ERBB4: variants seen among roughly 807,000 people sequenced by gnomAD.
The protein encoded by ERBB4 is receptor tyrosine-protein kinase erbB-4.
Under a neutral mutation model 158.0 loss-of-function variants are expected in ERBB4, and 42 were observed. The ratio of observed to expected loss-of-function variants is 0.27; its 90% CI spans 0.21 to 0.34. ERBB4 has a LOEUF of 0.34. ERBB4 is among the 10% of genes least tolerant of loss of function. The probability of loss-of-function intolerance (pLI) is 1.00; values close to 1 mark genes in which losing one functional copy is unlikely to be tolerated. For missense variants in ERBB4, 1,333 were observed against 1,624.1 expected (o/e 0.82, Z 3.08); for synonymous variants, 583 against 558.7 (o/e 1.04, Z -0.61).
chr2:211,916,210 C>T (rs148238483), intron 3 of ERBB4, among the ~76,000 whole-genome samples: 1,623 of 151,982 alleles, frequency 0.011, 15 homozygotes, highest in Middle Eastern at 0.045. Flanking sequence ...GACAGAGTCT[C>T]GCTCTGTCAC....
At chr2:212,353,135 G>A (rs2089323796) in intron 1 of ERBB4, among the ~76,000 whole-genome samples, 1 of 151,848 alleles carries the variant, frequency 6.6e-6, no homozygotes, top group African/African-American at 2.4e-5. Context: ...AGTTCTAGGG[G>A]ATAATTGTTT....
intron 2 of ERBB4, among the ~76,000 whole-genome samples, chr2:212,045,177 A>T (rs1282184069): frequency 6.6e-6 from 1 of 152,166 alleles, no homozygotes; most frequent in African/African-American, 2.4e-5. Flanking sequence ...GAATAAAACT[A>T]GGCTGGGTGC....
intron 20 of ERBB4, among the ~76,000 whole-genome samples, chr2:211,552,172 A>G (rs888495006): frequency 6.6e-6 from 1 of 152,160 alleles, no homozygotes; most frequent in Non-Finnish European, 1.5e-5. Context: ...TAGAAATATG[A>G]CATGGATATT....
chr2:212,136,551 A>C (rs1481008960), intron 1 of ERBB4, among the ~76,000 whole-genome samples: 4 of 152,182 alleles, frequency 2.6e-5, no homozygotes, highest in African/African-American at 9.7e-5. Context: ...CACTCTTTTA[A>C]GTGAAACAAA....
At chr2:211,910,561 T>C (rs2079516996) in intron 3 of ERBB4, among the ~76,000 whole-genome samples, 1 of 151,480 alleles carries the variant, frequency 6.6e-6, no homozygotes, top group Non-Finnish European at 1.5e-5. Flanking sequence ...ATAATACACA[T>C]TGGGGTCTTT....
At chr2:211,571,349 A>T (rs2067724251) in intron 19 of ERBB4, among the ~76,000 whole-genome samples, 1 of 152,136 alleles carries the variant, frequency 6.6e-6, no homozygotes, top group Non-Finnish European at 1.5e-5. Context: ...AAACATATGG[A>T]ATTGATTGCA....
intron 2 of ERBB4, among the ~76,000 whole-genome samples, chr2:212,081,810 T>C (rs2078452415): frequency 6.6e-6 from 1 of 152,096 alleles, no homozygotes; most frequent in South Asian, 2.1e-4. Context: ...AATATGTAGG[T>C]ACTTAAAGGG....
intron 3 of ERBB4, among the ~76,000 whole-genome samples, chr2:211,931,829 T>G (rs1307150865): frequency 1.3e-5 from 2 of 152,104 alleles, no homozygotes; most frequent in South Asian, 4.1e-4. Flanking sequence ...AACCAATAAA[T>G]TAATATTCTT....
chr2:212,333,294 T>C (rs1202191749), intron 1 of ERBB4, among the ~76,000 whole-genome samples: 2 of 151,994 alleles, frequency 1.3e-5, no homozygotes, highest in Non-Finnish European at 2.9e-5. Flanking sequence ...TGATCTGAAA[T>C]TCCTGAATCC....
chr2:211,885,486 C>T (rs938717170), intron 3 of ERBB4, among the ~76,000 whole-genome samples: 2 of 151,864 alleles, frequency 1.3e-5, no homozygotes, highest in Non-Finnish European at 2.9e-5. Context: ...GACAGGCTCT[C>T]ACTCTGTCAC....
At chr2:212,091,514 C>G (rs78909772) in intron 2 of ERBB4, among the ~76,000 whole-genome samples, 21,622 of 152,064 alleles carry the variant, frequency 0.14, 1,901 homozygotes, top group Non-Finnish European at 0.2. Context: ...GTAACTCCCT[C>G]TTAACACTGC....
At chr2:212,235,561 G>A (rs1172977239) in intron 1 of ERBB4, among the ~76,000 whole-genome samples, 1 of 152,176 alleles carries the variant, frequency 6.6e-6, no homozygotes, top group Non-Finnish European at 1.5e-5. Flanking sequence ...ACTTTGGGCA[G>A]TTTGGCCATT....
chr2:211,782,206 AT>A (rs1045308919), intron 4 of ERBB4, among the ~76,000 whole-genome samples: 1 of 151,374 alleles, frequency 6.6e-6, no homozygotes, highest in Non-Finnish European at 1.5e-5. Flanking sequence ...TTTCAGAACC[AT>A]TTTTTTTGCC....
intron 1 of ERBB4, among the ~76,000 whole-genome samples, chr2:212,162,443 G>A (rs2081230466): frequency 6.6e-6 from 1 of 151,696 alleles, no homozygotes; most frequent in African/African-American, 2.4e-5. Context: ...GGGACATGAG[G>A]GAACTTTGTA....
intron 3 of ERBB4, among the ~76,000 whole-genome samples, chr2:211,848,126 C>A (rs1350457203): frequency 6.6e-6 from 1 of 151,930 alleles, no homozygotes; most frequent in Non-Finnish European, 1.5e-5. Context: ...GCCTGTTTGT[C>A]CCAAGTTATT....
At chr2:211,827,296 A>G (rs1284859684) in intron 3 of ERBB4, among the ~76,000 whole-genome samples, 1 of 152,018 alleles carries the variant, frequency 6.6e-6, no homozygotes, top group Non-Finnish European at 1.5e-5. Flanking sequence ...GTTACCTAAG[A>G]GCTCTTCTAA....
intron 3 of ERBB4, among the ~76,000 whole-genome samples, chr2:211,838,535 C>T (rs1175164086): frequency 1.3e-5 from 2 of 152,052 alleles, no homozygotes; most frequent in Admixed American, 6.6e-5. Flanking sequence ...AGTTTTTTAA[C>T]CATTCTTTTC....
intron 19 of ERBB4, 125 bp downstream of exon 19, chr2:211,619,052 A>T: frequency 1.5e-6 from 1 of 670,030 alleles, no homozygotes; most frequent in Admixed American, 2.5e-5. Flanking sequence ...CTTTAATTAT[A>T]AGATTATAAT....
rs2075803460 is a variant in ERBB4, at chr2:211,773,820, C to T, written c.556+14205G>A. ...TAGATAGAAAACAACCTGGATTACT[C>T]CGGTCTGAATTCAGATCACGTAGGA... On this transcript the variant is annotated intron_variant, in intron 4 of 27. Coordinates refer to ENST00000342788, the MANE Select transcript of ERBB4 (RefSeq NM_005235.3). Among the ~76,000 whole-genome samples the T allele has an allele frequency of 2.7e-5, 4 of 150,856 alleles. No homozygotes were observed. In the South Asian group the frequency reaches 8.4e-4, roughly 32 times the overall value.
Sources: gnomAD v4.1 joint callset for allele counts (sites outside exome capture counted in the v4.1 genomes callset) on GRCh38, gnomAD v4.1.1 for gene constraint, MANE v1.5 for transcripts, NCBI Gene and HGNC (gene_info 2026-07-23, HGNC 2026-07-21) for gene names.